The following PKM variants were observed in gnomAD, a reference collection of about 807,000 sequenced individuals.
PKM encodes pyruvate kinase PKM.
A neutral mutation model predicts 49.8 loss-of-function variants in PKM; 18 were observed. The observed-to-expected ratio is 0.36, with a 90% CI of 0.25 to 0.54. PKM has a LOEUF of 0.54. Among genes scored for constraint, PKM ranks in the 20% least tolerant of loss-of-function variants. The probability of loss-of-function intolerance (pLI) is 0.89; values close to 1 mark genes in which losing one functional copy is unlikely to be tolerated. For missense variants in PKM, 508 were observed against 713.8 expected, an observed-to-expected ratio of 0.71 and a Z score of 3.28; for synonymous variants, 239 against 261.8, an observed-to-expected ratio of 0.91 and a Z score of 0.84.
At chr15:72,218,838 T>A in intron 2 of PKM, 106 bp downstream of exon 2, 1 of 1,130,540 alleles carries the variant, frequency 8.8e-7, no homozygotes, top group Non-Finnish European at 1.3e-6. Context: ...CTGTGTAGTA[T>A]CCCATGTAGC....
At position 72,202,393 on chromosome 15, in the gene PKM, G is replaced by A. The variant is rs2081966125; in HGVS notation, c.1307+61C>T. 1 of 1,526,158 alleles carries A rather than the reference G, an allele frequency of 6.6e-7. No homozygotes were observed. The highest frequency in any genetic ancestry group is 9.0e-7 in the Non-Finnish European group (1 of 1,113,898). 94.5% of individuals were successfully genotyped at this position (1,526,158 alleles called of 1,614,324 possible). A position where few individuals can be genotyped will look rare whatever the true frequency, so the allele number is the denominator to read the frequency against. On this transcript the variant is annotated intron_variant, in intron 9 of 10. Coordinates refer to ENST00000335181, the MANE Select transcript of PKM (RefSeq NM_002654.6). This position sits in a 1 kb window ranked among gnomAD's most constrained non-coding sequence, Gnocchi z 4.5. ...AGCATTGTTCAATGGACTGCTCCCA[G>A]GACCCCCAAGGTGAGGTACCACTGA...
At chr15:72,231,071 T>C in intron 1 of PKM, 45 bp downstream of exon 1, 2 of 645,468 alleles carry the variant, frequency 3.1e-6, no homozygotes, top group Non-Finnish European at 2.4e-6. Flanking sequence ...GCCGGGCGAC[T>C]GGCCCTTGGT....
In PKM at chr15:72,202,895, C is replaced by T. The variant is rs1018134239; in HGVS notation, c.1141-275G>A. ...TCCTGCCCTGCCATGACCTCCCTGG[C>T]GGTGTTCCTACAGACGAGAAGAGGC... On this transcript the variant is annotated intron_variant, in intron 8 of 10. Coordinates refer to ENST00000335181, the MANE Select transcript of PKM (RefSeq NM_002654.6). The surrounding 1 kb of genome is among the most constrained non-coding windows in gnomAD (Gnocchi z 4.5). 1.7e-5 allele frequency: 17 copies of T among 1,006,494 alleles called. No homozygotes were observed. In the Middle Eastern group the frequency reaches 8.5e-4, roughly 50 times the overall value. The allele number at this position is 1,006,494 out of a possible 1,614,324, so 62.3% of individuals were successfully genotyped here.
chr15:72,199,273 G>C lies in PKM; in HGVS notation c.*377C>G. On this transcript the variant is annotated 3_prime_UTR_variant, in exon 11 of 11. Coordinates refer to ENST00000335181, the MANE Select transcript of PKM (RefSeq NM_002654.6). Reference sequence around the variant, plus strand: ...TGCCCTAAGGCCCCTAACTCTTGCTGGCTGTTTCTTGACCCCAAGCCAGGG... The same window carrying C: ...TGCCCTAAGGCCCCTAACTCTTGCTCGCTGTTTCTTGACCCCAAGCCAGGG... The C allele has an allele frequency of 2.6e-6, 1 of 387,606 alleles. No individual in the cohort carries two copies. Among genetic ancestry groups the C allele is most frequent in the East Asian group, 6.6e-5 (1 of 15,210 alleles). The allele number at this position is 387,606 out of a possible 1,614,324, so 24.0% of individuals were successfully genotyped here. A position where few individuals can be genotyped will look rare whatever the true frequency, so the allele number is the denominator to read the frequency against.
In PKM at chr15:72,199,332, G is replaced by C. The variant is rs1285518402; in HGVS notation, c.*318C>G. ...CCTCTGGGCATCCATTTTTTCTAAA[G>C]GAACTGGACAGAGTACACACAGGAA... On this transcript the variant is annotated 3_prime_UTR_variant, in exon 11 of 11. Transcript: ENST00000335181. 1.8e-5 allele frequency: 9 copies of C among 495,448 alleles called. No individual in the cohort carries two copies. Among genetic ancestry groups the C allele is most frequent in the East Asian group, 1.3e-4 (3 of 22,898 alleles). 30.7% of individuals were successfully genotyped at this position (495,448 alleles called of 1,614,324 possible).
rs757931568 is a variant in PKM, at chr15:72,208,899, A to C, written c.566-8T>G. 4 of 1,612,752 alleles carry C rather than the reference A, an allele frequency of 2.5e-6. No homozygotes were observed. The African/African-American group carries it at 4.0e-5, about 16-fold the overall frequency. ...TCACCAGGAAGTCGGCACCTGTATG[A>C]AAAAGGGTAAGTAGGGGAGGCAGAG... On this transcript the variant is annotated splice_region_variant and splice_polypyrimidine_tract_variant and intron_variant, in intron 5 of 10. Transcript: ENST00000335181.
intron 1 of PKM, among the ~76,000 whole-genome samples, chr15:72,225,881 G>C (rs574024350): frequency 7.2e-5 from 11 of 152,166 alleles, no homozygotes; most frequent in Non-Finnish European, 1.2e-4. Flanking sequence ...TTAGGTCATG[G>C]AGTATGTTTA....
At chr15:72,225,401 C>T (rs987995723) in intron 1 of PKM, among the ~76,000 whole-genome samples, 2 of 151,958 alleles carry the variant, frequency 1.3e-5, no homozygotes, top group Non-Finnish European at 2.9e-5. Flanking sequence ...AGGCTGGTCT[C>T]GACCTCCTGG....
At chr15:72,226,964 CA>C (rs2082688998) in intron 1 of PKM, among the ~76,000 whole-genome samples, 1 of 152,212 alleles carries the variant, frequency 6.6e-6, no homozygotes, top group Non-Finnish European at 1.5e-5. Context: ...CTGAGCTGAG[CA>C]GTCATACCAA....
Position 72,226,868 on chromosome 15 carries a change from T to TCCCTCCTA in PKM, c.-14+4240_-14+4247dup. Among the ~76,000 whole-genome samples the TCCCTCCTA allele has an allele frequency of 2.6e-5, 4 of 152,294 alleles. No homozygotes were observed. The Middle Eastern group carries it at 0.01, about 389-fold the overall frequency. The stretch of plus-strand genomic sequence containing the variant: ...ACCGAAGGTACTGCAGCCGGCTTGT[T>TCCCTCCTA]CCCTCCTACGTGCAGACAAGCACAA... On this transcript the variant is annotated intron_variant, in intron 1 of 10. Coordinates refer to ENST00000335181, the MANE Select transcript of PKM (RefSeq NM_002654.6).
chr15:72,204,821 A>T (rs1282276008), intron 8 of PKM, among the ~76,000 whole-genome samples: 1 of 152,230 alleles, frequency 6.6e-6, no homozygotes, highest in Non-Finnish European at 1.5e-5. Context: ...CTAAGTCAAG[A>T]TCAGCCTCTG....
Position 72,202,088 on chromosome 15 carries a change from A to C in PKM, c.1307+366T>G, listed in dbSNP as rs1412193321. On this transcript the variant is annotated intron_variant, in intron 9 of 10. Transcript: ENST00000335181. This position sits in a 1 kb window ranked among gnomAD's most constrained non-coding sequence, Gnocchi z 4.5. ...TTAAATAAATTCATTTCCCAACTGA[A>C]ATTTTTAAAGAGCACATAGTAACTG... 1.0e-5 allele frequency: 3 copies of C among 292,112 alleles called. No individual in the cohort carries two copies. 18.1% of individuals were successfully genotyped at this position (292,112 alleles called of 1,614,324 possible).
rs186423251 is a variant in PKM at position 72,210,613 on chromosome 15, C to G, written c.247-135G>C. ...TAGAGCTCTATCTCCATCCTCAGCACGATCCATGCACTGAGAAATCCTCTA... is the reference window on the plus strand; with the variant it reads ...TAGAGCTCTATCTCCATCCTCAGCAGGATCCATGCACTGAGAAATCCTCTA... On this transcript the variant is annotated intron_variant, in intron 3 of 10. Coordinates refer to ENST00000335181, the MANE Select transcript of PKM (RefSeq NM_002654.6). The G allele has an allele frequency of 2.8e-4, 272 of 961,944 alleles. 2 individuals are homozygous for G. The highest frequency in any genetic ancestry group is 2.1e-5 in the Non-Finnish European group (13 of 618,800). 59.6% of individuals were successfully genotyped at this position (961,944 alleles called of 1,614,324 possible).
At chr15:72,230,940 G>A (rs1162951416) in intron 1 of PKM, 176 bp downstream of exon 1, 1 of 1,287,202 alleles carries the variant, frequency 7.8e-7, no homozygotes, top group Non-Finnish European at 1.0e-6. Context: ...CTGAAGAGCA[G>A]GCCCCAGGCG....
chr15:72,216,581 C>T (rs1313244571), intron 3 of PKM, among the ~76,000 whole-genome samples: 1 of 152,174 alleles, frequency 6.6e-6, no homozygotes, highest in Non-Finnish European at 1.5e-5. Flanking sequence ...CATAATCATA[C>T]CACTGCAGTC....
chr15:72,219,764 A>T (rs1333806127), intron 1 of PKM, among the ~76,000 whole-genome samples: 1 of 152,264 alleles, frequency 6.6e-6, no homozygotes, highest in Non-Finnish European at 1.5e-5. Flanking sequence ...CAAGGATAAC[A>T]TAAGGGCACT....
rs1208005560 is a variant in PKM at position 72,200,086 on chromosome 15, T to C, written c.1490-330A>G. ...GGACAATGGCCACATCAGTACGTAA[T>C]CTGTGTATGCCACCCCACAGCACAG... On this transcript the variant is annotated intron_variant, in intron 10 of 10. Coordinates refer to ENST00000335181, the MANE Select transcript of PKM (RefSeq NM_002654.6). The surrounding 1 kb of genome is among the most constrained non-coding windows in gnomAD (Gnocchi z 4.6). 3.3e-5 allele frequency among the ~76,000 whole-genome samples: 5 copies of C among 151,930 alleles called. No homozygotes were observed. The highest frequency in any genetic ancestry group is 1.2e-4 in the African/African-American group (5 of 41,332).
At chr15:72,209,468 T>C in intron 5 of PKM, 1 of 348,906 alleles carries the variant, frequency 2.9e-6, no homozygotes, top group Non-Finnish European at 5.3e-6. Context: ...TGTATGTATG[T>C]TCCTGTGTTC....
At chr15:72,229,406 A>G (rs2082779060) in intron 1 of PKM, 1 of 403,746 alleles carries the variant, frequency 2.5e-6, no homozygotes, top group African/African-American at 2.0e-5. Context: ...GTCAAACCTG[A>G]TTCTAAACGC....
Sources: gnomAD v4.1 joint callset for allele counts (sites outside exome capture counted in the v4.1 genomes callset) on GRCh38, gnomAD v4.1.1 for gene constraint, Gnocchi (gnomAD v3.1) non-coding constraint, MANE v1.5 for transcripts, NCBI Gene and HGNC (gene_info 2026-07-23, HGNC 2026-07-21) for gene names.